Variants in VRK2 observed in about 807,000 individuals in gnomAD.
VRK2 encodes serine/threonine-protein kinase VRK2.
Under a neutral mutation model 57.6 loss-of-function variants are expected in VRK2, and 60 were observed. That is an observed-to-expected ratio of 1.04 (90% CI 0.85 to 1.29). The LOEUF (loss-of-function observed/expected upper bound fraction) is 1.29, where lower values mean the gene tolerates loss of function less well. VRK2 is among the 50% of genes most tolerant of loss of function. VRK2 has a pLI of 0.00. For missense variants in VRK2, 705 were observed against 588.1 expected, an observed-to-expected ratio of 1.20 and a Z score of -2.06; for synonymous variants, 231 against 199.2, an observed-to-expected ratio of 1.16 and a Z score of -1.35.
At chr2:57,994,716 A>G (rs1024460644) in intron 1 of VRK2, among the ~76,000 whole-genome samples, 9 of 152,090 alleles carry the variant, frequency 5.9e-5, no homozygotes, top group East Asian at 1.9e-4. Context: ...TATGGATTAT[A>G]TCTTTCAATA....
chr2:58,071,597 A>G (rs904386872), intron 2 of VRK2, among the ~76,000 whole-genome samples: 2 of 151,996 alleles, frequency 1.3e-5, no homozygotes, highest in African/African-American at 2.4e-5. Flanking sequence ...TTGACTGCCT[A>G]TTTATATTTG....
In VRK2 at chr2:57,978,423, G is replaced by A. The variant is rs1330172203; in HGVS notation, c.-438-47242G>A. Reference sequence around the variant, plus strand: ...TCAGCCATGTCCACTTCTAAGCCTTGATAACAGAAGACCTAAAAAGCCAGT... The same window carrying A: ...TCAGCCATGTCCACTTCTAAGCCTTAATAACAGAAGACCTAAAAAGCCAGT... On this transcript the variant is annotated intron_variant, in intron 1 of 15. Transcript: ENST00000417641. Among the ~76,000 whole-genome samples the A allele has an allele frequency of 1.3e-5, 2 of 150,870 alleles. 1 individual carries two copies. The highest frequency in any genetic ancestry group is 5.0e-5 in the African/African-American group (2 of 40,302).
intron 3 of VRK2, chr2:58,033,577 A>G (rs1019632215): frequency 1.3e-5 from 2 of 152,086 alleles, no homozygotes; most frequent in African/African-American, 4.8e-5. Flanking sequence ...TTTATATCAT[A>G]TAAGTCACTA....
intron 1 of VRK2, among the ~76,000 whole-genome samples, chr2:57,982,368 C>T (rs1037489983): frequency 9.2e-5 from 14 of 152,286 alleles, no homozygotes; most frequent in Non-Finnish European, 1.5e-4. Context: ...ACATGTGCAC[C>T]GGCAGGAGCT....
intron 1 of VRK2, among the ~76,000 whole-genome samples, chr2:57,912,458 A>G (rs1040225): frequency 0.65 from 98,182 of 151,782 alleles, 32,072 homozygotes; most frequent in African/African-American, 0.76. Context: ...TAAAACTTGA[A>G]GATAGAGTGA....
chr2:58,100,037 T>G (rs1455272616), intron 7 of VRK2, among the ~76,000 whole-genome samples: 1 of 151,970 alleles, frequency 6.6e-6, no homozygotes, highest in African/African-American at 2.4e-5. Context: ...AGAAAAAAAT[T>G]TAGTGATCTG....
intron 1 of VRK2, among the ~76,000 whole-genome samples, chr2:57,919,900 C>T (rs1670283826): frequency 6.6e-6 from 1 of 152,054 alleles, no homozygotes; most frequent in Non-Finnish European, 1.5e-5. Flanking sequence ...ATGGGTTTCT[C>T]AGCTGAAGTT....
At chr2:58,079,947 T>C (rs1670628563) in intron 2 of VRK2, among the ~76,000 whole-genome samples, 1 of 151,980 alleles carries the variant, frequency 6.6e-6, no homozygotes, top group African/African-American at 2.4e-5. Flanking sequence ...TCACTAATTT[T>C]TTAGTTTTCT....
intron 1 of VRK2, among the ~76,000 whole-genome samples, chr2:57,947,468 C>T (rs1671297370): frequency 6.6e-6 from 1 of 152,120 alleles, no homozygotes; most frequent in African/African-American, 2.4e-5. Flanking sequence ...TGGGTAATTT[C>T]CTGCCCTGGT....
intron 7 of VRK2, among the ~76,000 whole-genome samples, chr2:58,097,303 A>G (rs1186182814): frequency 2.0e-5 from 3 of 151,620 alleles, no homozygotes; most frequent in Admixed American, 6.6e-5. Flanking sequence ...TTGTTCTCCT[A>G]TAGTTTTTTT....
intron 1 of VRK2, among the ~76,000 whole-genome samples, chr2:57,995,166 TG>T (rs2104094433): frequency 6.6e-6 from 1 of 152,334 alleles, no homozygotes; most frequent in South Asian, 2.1e-4. Context: ...TTCCATACAC[TG>T]TTATATTGAA....
chr2:58,087,672 T>A (rs1010295486), intron 5 of VRK2, among the ~76,000 whole-genome samples: 3 of 152,080 alleles, frequency 2.0e-5, no homozygotes, highest in African/African-American at 7.2e-5. Context: ...GTATATATGA[T>A]CTTATCAAGA....
intron 1 of VRK2, among the ~76,000 whole-genome samples, chr2:57,986,742 G>A (rs1558527012): frequency 6.6e-6 from 1 of 151,888 alleles, no homozygotes; most frequent in Non-Finnish European, 1.5e-5. Context: ...GGGATTACAG[G>A]TGCGCACCAC....
intron 2 of VRK2, among the ~76,000 whole-genome samples, chr2:58,070,338 C>A (rs1410103814): frequency 1.3e-5 from 2 of 152,090 alleles, no homozygotes; most frequent in African/African-American, 4.8e-5. Flanking sequence ...ACGTGCACCA[C>A]TGTGCCCAGG....
chr2:58,005,783 C>T (rs185295455), intron 1 of VRK2, among the ~76,000 whole-genome samples: 29 of 152,076 alleles, frequency 1.9e-4, no homozygotes, highest in African/African-American at 6.7e-4. Context: ...GTTGGAAGAC[C>T]CAGATGAAGC....
chr2:58,043,577 C>A (rs1384478282), upstream of VRK2, among the ~76,000 whole-genome samples: 1 of 152,096 alleles, frequency 6.6e-6, no homozygotes, highest in East Asian at 1.9e-4. Context: ...TGCTTTGCTC[C>A]TTTTTATTGC....
chr2:57,990,588 T>C (rs1672732964), intron 1 of VRK2, among the ~76,000 whole-genome samples: 1 of 152,134 alleles, frequency 6.6e-6, no homozygotes, highest in Non-Finnish European at 1.5e-5. Context: ...TTGAAGTAAA[T>C]CTCACTCCAG....
At position 58,120,640 on chromosome 2, in the gene VRK2, A is replaced by C. The variant is rs533608823; in HGVS notation, c.544-2461A>C. ...ACACAACTTGACAGTCTTCTTCCTG[A>C]CTGTAGGCCCCTGACGTCTCTTTTC... On this transcript the variant is annotated intron_variant, in intron 7 of 12. Transcript: ENST00000340157. Among the ~76,000 whole-genome samples the C allele has an allele frequency of 2.0e-5, 3 of 152,264 alleles. No individual in the cohort carries two copies. In the South Asian group the frequency reaches 6.2e-4, roughly 32 times the overall value.
chr2:57,983,644 A>G (rs558483153), intron 1 of VRK2, among the ~76,000 whole-genome samples: 1 of 152,180 alleles, frequency 6.6e-6, no homozygotes, highest in South Asian at 2.1e-4. Flanking sequence ...CTCCTGCTGA[A>G]AAGTTTACTG....
Sources: gnomAD v4.1 joint callset for allele counts (sites outside exome capture counted in the v4.1 genomes callset) on GRCh38, gnomAD v4.1.1 for gene constraint, MANE v1.5 for transcripts, NCBI Gene and HGNC (gene_info 2026-07-23, HGNC 2026-07-21) for gene names.